PSMC5: variants seen among roughly 807,000 people sequenced by gnomAD.
PSMC5 encodes the protein 26S proteasome regulatory subunit 8.
In PSMC5, 11 loss-of-function variants were observed where a neutral mutation model predicts 49.1. The observed-to-expected ratio is 0.22, with a 90% CI of 0.14 to 0.37. The LOEUF is 0.37. PSMC5 is among the 10% of genes least tolerant of loss of function. The probability of loss-of-function intolerance (pLI) is 1.00; values close to 1 mark genes in which losing one functional copy is unlikely to be tolerated. For synonymous variants in PSMC5, 206 were observed against 192.2 expected (o/e 1.07, Z -0.59); for missense variants, 229 against 520.9 (o/e 0.44, Z 5.45).
At chr17:63,827,681 C>G (rs2040126728) in intron 1 of PSMC5, 167 bp downstream of exon 1, 2 of 1,466,986 alleles carry the variant, frequency 1.4e-6, no homozygotes, top group Non-Finnish European at 1.8e-6. Flanking sequence ...CAGCGCCGCC[C>G]TCGGTGAGTC....
intron 3 of PSMC5, 63 bp downstream of exon 3, chr17:63,829,626 C>G (rs2040157580): frequency 6.8e-7 from 1 of 1,474,010 alleles, no homozygotes; most frequent in Non-Finnish European, 9.3e-7. Flanking sequence ...CCTTATCTCC[C>G]TGCACTGTGT....
rs755289486 is a variant in PSMC5 at position 63,830,528 on chromosome 17, G to T, written c.552+27G>T. The T allele has an allele frequency of 3.7e-6, 6 of 1,610,802 alleles. No homozygotes were observed. The highest frequency in any genetic ancestry group is 1.1e-5 in the South Asian group (1 of 90,822). Reference sequence around the variant, plus strand: ...TGAGGAGCAGGGCTTCTCTGAGAGGGCCAAGCTGTACTTACTCCTCCTGCC... The same window carrying T: ...TGAGGAGCAGGGCTTCTCTGAGAGGTCCAAGCTGTACTTACTCCTCCTGCC... On this transcript the variant is annotated intron_variant, in intron 6 of 11. Transcript: ENST00000310144. The surrounding 1 kb of genome is among the most constrained non-coding windows in gnomAD (Gnocchi z 4.0).
chr17:63,830,983 T>A lies in PSMC5; in HGVS notation c.679+48T>A. The stretch of plus-strand genomic sequence containing the variant: ...GAAGCAAGAGGTAGGGGTAGGGGGT[T>A]AGAGAGCTAATAAGCTAATAAGCTC... On this transcript the variant is annotated intron_variant, in intron 7 of 11. Transcript: ENST00000310144. The surrounding 1 kb of genome is among the most constrained non-coding windows in gnomAD (Gnocchi z 4.0). The A allele has an allele frequency of 6.2e-7, 1 of 1,612,166 alleles. No individual in the cohort carries two copies. Among genetic ancestry groups the A allele is most frequent in the Non-Finnish European group, 8.5e-7 (1 of 1,178,916 alleles).
chr17:63,828,833 C>T (rs1301890987), intron 2 of PSMC5: 1 of 153,938 alleles, frequency 6.5e-6, no homozygotes, highest in Non-Finnish European at 1.4e-5. Flanking sequence ...TTACGGTAGG[C>T]TGTTAGTAGT....
Position 63,830,294 on chromosome 17 carries a change from T to A in PSMC5, c.345T>A (p.Ala115=), listed in dbSNP as rs1463076530. 2.5e-5 allele frequency: 41 copies of A among 1,614,012 alleles called. No individual in the cohort carries two copies. The highest frequency in any genetic ancestry group is 3.4e-5 in the Non-Finnish European group (40 of 1,180,044). Residue 115 remains alanine, a synonymous_variant, in exon 6 of 12, where the codon GCT becomes GCA. Transcript: ENST00000310144. This position sits in a 1 kb window ranked among gnomAD's most constrained non-coding sequence, Gnocchi z 4.0. ...INDVTPNCRV[A]LRNDSYTLHK... Reference sequence around the variant, plus strand: ...AGGTGACACCCAATTGCCGGGTGGCTCTAAGGAATGACAGCTACACTCTGC... The same window carrying A: ...AGGTGACACCCAATTGCCGGGTGGCACTAAGGAATGACAGCTACACTCTGC...
chr17:63,827,942 C>T, intron 1 of PSMC5, 196 bp from the exon 2 acceptor site: 2 of 1,324,118 alleles, frequency 1.5e-6, no homozygotes, highest in Non-Finnish European at 2.0e-6. Context: ...CGTTCCCATT[C>T]TTTTATTTTA....
At chr17:63,829,439 ACCT>A (rs1288015503) in intron 2 of PSMC5, 52 bp from the exon 3 acceptor site, 1 of 1,513,120 alleles carries the variant, frequency 6.6e-7, no homozygotes. Context: ...CCAAGATCCT[ACCT>A]CCTCCTGTCT....
chr17:63,829,451 C>G, intron 2 of PSMC5, 43 bp from the exon 3 acceptor site: 1 of 1,537,140 alleles, frequency 6.5e-7, no homozygotes, highest in East Asian at 2.4e-5. Context: ...CTCCTCCTGT[C>G]TCCTGCCCTT....
In PSMC5 at chr17:63,828,224, C is replaced by T; in HGVS notation, c.96+15C>T. On this transcript the variant is annotated intron_variant, in intron 2 of 11. Transcript: ENST00000310144. ...AAGAACTCCAGGTGAGGACGGACTC[C>T]AGAGGGAGCTAGGAAGGGTGATGAT... The T allele has an allele frequency of 2.5e-6, 4 of 1,613,548 alleles. No individual in the cohort carries two copies. Among genetic ancestry groups the T allele is most frequent in the Non-Finnish European group, 3.4e-6 (4 of 1,179,586 alleles).
In PSMC5 at chr17:63,831,814, T is replaced by C. The variant is rs2040192287; in HGVS notation, c.1167+4T>C. On this transcript the variant is annotated splice_donor_region_variant and intron_variant, in intron 11 of 11. Coordinates refer to ENST00000310144, the MANE Select transcript of PSMC5 (RefSeq NM_002805.6). This position sits in a 1 kb window ranked among gnomAD's most constrained non-coding sequence, Gnocchi z 6.3. ...CTTTGAGATGGCAGTAGCCAAGGTATAGGCCTCCATCTTTGTGCCTTTGCC... is the reference window on the plus strand; with the variant it reads ...CTTTGAGATGGCAGTAGCCAAGGTACAGGCCTCCATCTTTGTGCCTTTGCC... 1.2e-6 allele frequency: 2 copies of C among 1,614,128 alleles called. No homozygotes were observed. Among genetic ancestry groups the C allele is most frequent in the Non-Finnish European group, 1.7e-6 (2 of 1,179,970 alleles).
chr17:63,831,923 A>G lies in PSMC5; in HGVS notation c.1175A>G (p.Gln392Arg), dbSNP rs748162252. The G allele has an allele frequency of 7.4e-6, 12 of 1,614,072 alleles. No homozygotes were observed. Among genetic ancestry groups the G allele is most frequent in the Non-Finnish European group, 1.0e-5 (12 of 1,179,900 alleles). The change falls in exon 12 of 12, where the codon CAG (glutamine) becomes CGG (arginine). Residue 392 changes from glutamine to arginine, a missense_variant. Transcript: ENST00000310144. This position sits in a 1 kb window ranked among gnomAD's most constrained non-coding sequence, Gnocchi z 6.3. ...TCTCTCTCCCACCCCTAGGTCATGC[A>G]GAAGGACAGTGAGAAAAACATGTCC... is the stretch of plus-strand genomic sequence containing the variant. ...DFEMAVAKVM[Q>R]KDSEKNMSIK...
Position 63,831,422 on chromosome 17 carries a change from G to A in PSMC5, c.966G>A (p.Glu322=), listed in dbSNP as rs371740165. Residue 322 remains glutamate (E), a synonymous_variant, in exon 9 of 12, where the codon GAG becomes GAA. Transcript: ENST00000310144. The surrounding 1 kb of genome is among the most constrained non-coding windows in gnomAD (Gnocchi z 6.3). ...AAATTGAATTCCCACCCCCCAATGA[G>A]GAGGTTTGTGATGGACACTGTGCAA... The part of the protein sequence containing the change: ...DRKIEFPPPN[E]EARLDILKIH... 3.1e-6 allele frequency: 5 copies of A among 1,613,792 alleles called. No individual in the cohort carries two copies. Among genetic ancestry groups the A allele is most frequent in the Non-Finnish European group, 8.5e-7 (1 of 1,179,916 alleles).
intron 2 of PSMC5, 48 bp downstream of exon 2, chr17:63,828,257 G>A: frequency 6.4e-7 from 1 of 1,569,096 alleles, no homozygotes. Flanking sequence ...GATGGGGGAT[G>A]GAAACGGACT....
intron 2 of PSMC5, 54 bp downstream of exon 2, chr17:63,828,263 G>C (rs989063428): frequency 3.2e-6 from 5 of 1,550,962 alleles, no homozygotes; most frequent in Non-Finnish European, 4.4e-6. Context: ...GGATGGAAAC[G>C]GACTTCCACA....
Position 63,830,994 on chromosome 17 carries a change from T to C in PSMC5, c.680-42T>C, listed in dbSNP as rs1451440480. ...TAGGGGTAGGGGGTTAGAGAGCTAATAAGCTAATAAGCTCCCTAACACCAG... is the reference window on the plus strand; with the variant it reads ...TAGGGGTAGGGGGTTAGAGAGCTAACAAGCTAATAAGCTCCCTAACACCAG... On this transcript the variant is annotated intron_variant, in intron 7 of 11. Transcript: ENST00000310144. This position sits in a 1 kb window ranked among gnomAD's most constrained non-coding sequence, Gnocchi z 4.0. 1.2e-6 allele frequency: 2 copies of C among 1,606,668 alleles called. No homozygotes were observed. Among genetic ancestry groups the C allele is most frequent in the Admixed American group, 1.7e-5 (1 of 59,576 alleles).
In PSMC5 at chr17:63,831,570, G is replaced by A; in HGVS notation, c.1034G>A (p.Arg345Lys). 1 of 1,614,160 alleles carries A rather than the reference G, an allele frequency of 6.2e-7. No homozygotes were observed. Among genetic ancestry groups the A allele is most frequent in the Non-Finnish European group, 8.5e-7 (1 of 1,180,044 alleles). The change falls in exon 10 of 12, where the codon AGA becomes AAA. Residue 345 changes from arginine to lysine, a missense_variant. By Grantham distance (26) the Arg-to-Lys change is conservative. Transcript: ENST00000310144. This position sits in a 1 kb window ranked among gnomAD's most constrained non-coding sequence, Gnocchi z 6.3. ...AACCTGACCCGGGGGATCAACCTGA[G>A]AAAAATTGCTGAGCTCATGCCAGGA... ...KMNLTRGINL[R>K]KIAELMPGAS...
In PSMC5 at chr17:63,829,695, T is replaced by C. The variant is rs540988414; in HGVS notation, c.166+132T>C. ...ATCATCTAGTAGTTTCACATGCATC[T>C]CTTTTTCCTGAGCCCTATTGTAGCC... On this transcript the variant is annotated intron_variant, in intron 3 of 11. Coordinates refer to ENST00000310144, the MANE Select transcript of PSMC5 (RefSeq NM_002805.6). 1.6e-4 allele frequency: 195 copies of C among 1,216,544 alleles called. 1 individual carries two copies. In the South Asian group the frequency reaches 2.5e-3, roughly 16 times the overall value. 75.4% of individuals were successfully genotyped at this position (1,216,544 alleles called of 1,614,324 possible).
chr17:63,827,764 G>A, intron 1 of PSMC5: 2 of 1,431,926 alleles, frequency 1.4e-6, no homozygotes, highest in Non-Finnish European at 1.8e-6. Flanking sequence ...GGGAATGGCC[G>A]GCCCACGGGT....
Position 63,829,854 on chromosome 17 carries a change from C to A in PSMC5, c.169C>A (p.Arg57Ser). The change falls in exon 4 of 12, where the codon CGC becomes AGC. Residue 57 changes from arginine to serine, a missense_variant and splice_region_variant. Arg to Ser is a moderately radical substitution (Grantham distance 110, BLOSUM62 -1). Transcript: ENST00000310144. ...AQRNELNAKV[R>S]LLREELQLLQ... ...CACTGTGTCTGTTTGCCATCTAGTT[C>A]GCCTATTGCGGGAGGAGCTACAGCT... is the stretch of plus-strand genomic sequence containing the variant. 2 of 1,614,072 alleles carry A rather than the reference C, an allele frequency of 1.2e-6. No homozygotes were observed. The highest frequency in any genetic ancestry group is 2.2e-5 in the South Asian group (2 of 91,036).
Sources: allele counts gnomAD v4.1 joint callset, GRCh38; gene constraint gnomAD v4.1.1; non-coding constraint Gnocchi (gnomAD v3.1); transcripts MANE v1.5; gene names NCBI Gene and HGNC (gene_info 2026-07-23, HGNC 2026-07-21).